The following TECRL variants were observed in gnomAD, a reference collection of about 807,000 sequenced individuals.
TECRL encodes the protein trans-2,3-enoyl-CoA reductase-like.
TECRL carries 63 observed loss-of-function variants against 52.8 expected under a neutral mutation model. The ratio of observed to expected loss-of-function variants is 1.19; its 90% CI spans 0.97 to 1.47. The LOEUF is 1.47. Ranked by LOEUF, TECRL falls within the 40% of genes most tolerant of loss-of-function variation. The probability of loss-of-function intolerance (pLI) is 0.00; values close to 1 mark genes in which losing one functional copy is unlikely to be tolerated. For missense variants in TECRL, 482 were observed against 429.6 expected, an observed-to-expected ratio of 1.12 and a Z score of -1.08; for synonymous variants, 164 against 141.9, an observed-to-expected ratio of 1.16 and a Z score of -1.10.
At chr4:64,305,097 T>C (rs559252408) in intron 7 of TECRL, 69 bp downstream of exon 7, 26 of 1,073,994 alleles carry the variant, frequency 2.4e-5, no homozygotes, top group Non-Finnish European at 3.4e-5. Context: ...CCTTTATGTA[T>C]GTCATTTAGA....
chr4:64,313,420 T>A (rs1717203216), intron 5 of TECRL, among the ~76,000 whole-genome samples: 1 of 151,800 alleles, frequency 6.6e-6, no homozygotes, highest in South Asian at 2.1e-4. Flanking sequence ...AAAGATTATT[T>A]TCACAATATG....
chr4:64,312,621 G>T (rs1208625029), intron 5 of TECRL, among the ~76,000 whole-genome samples: 1 of 151,926 alleles, frequency 6.6e-6, no homozygotes, highest in Non-Finnish European at 1.5e-5. Flanking sequence ...AGCATTAGCT[G>T]GTTGTGATGG....
Position 64,322,769 on chromosome 4 carries a change from T to C in TECRL, c.355A>G (p.Ile119Val), listed in dbSNP as rs749746855. The part of the protein sequence containing the change: ...ECGGPFLKDY[I>V]TIQSIAASSI... ...GAAGCTGCAATACTTTGAATGGTAA[T>C]GTAGTCCTTCAAAAAAGGCCCGCCT... The change falls in exon 4 of 12, where the codon ATT becomes GTT. Residue 119 changes from isoleucine to valine, a missense_variant. Physicochemically the swap from Ile to Val is conservative, Grantham distance 29. Coordinates refer to ENST00000381210, the MANE Select transcript of TECRL (RefSeq NM_001010874.5). 8 of 1,606,954 alleles carry C rather than the reference T, an allele frequency of 5.0e-6. No individual in the cohort carries two copies. The highest frequency in any genetic ancestry group is 1.3e-5 in the African/African-American group (1 of 74,762).
chr4:64,367,441 T>A (rs897258808), intron 2 of TECRL, among the ~76,000 whole-genome samples: 1 of 152,120 alleles, frequency 6.6e-6, no homozygotes, highest in East Asian at 1.9e-4. Context: ...ATGCAATCAT[T>A]AATACATTCC....
chr4:64,301,539 T>C (rs1051700123), intron 7 of TECRL, among the ~76,000 whole-genome samples: 1 of 151,186 alleles, frequency 6.6e-6, no homozygotes, highest in Non-Finnish European at 1.5e-5. Context: ...ATTGAACTTA[T>C]AGTCTGACCC....
intron 8 of TECRL, among the ~76,000 whole-genome samples, chr4:64,290,639 CA>C (rs1723328436): frequency 6.6e-6 from 1 of 151,972 alleles, no homozygotes; most frequent in Non-Finnish European, 1.5e-5. Context: ...ATGCATTTTT[CA>C]TATATAATAA....
intron 1 of TECRL, among the ~76,000 whole-genome samples, chr4:64,394,570 A>G (rs964985430): frequency 6.6e-6 from 1 of 152,188 alleles, no homozygotes; most frequent in African/African-American, 2.4e-5. Context: ...ACAAATGAAA[A>G]TACTGTGACC....
At chr4:64,408,103 T>C (rs1349785603) in intron 1 of TECRL, among the ~76,000 whole-genome samples, 4 of 151,736 alleles carry the variant, frequency 2.6e-5, no homozygotes, top group Non-Finnish European at 5.9e-5. Context: ...AAAGTTAATA[T>C]AACTCAATTT....
intron 1 of TECRL, among the ~76,000 whole-genome samples, chr4:64,388,137 T>G (rs952248969): frequency 6.6e-6 from 1 of 151,670 alleles, no homozygotes; most frequent in African/African-American, 2.4e-5. Context: ...GTTTATAGTT[T>G]TAGTGTAGTT....
rs113893042 is a variant in TECRL, at chr4:64,341,159, A to G, written c.287-12603T>C. ...TGGTGGCAGAAAGGAGCTTCTCCCT[A>G]TAGGTTTTCTCTGAGCTGTTCTATT... On this transcript the variant is annotated intron_variant, in intron 2 of 11. Coordinates refer to ENST00000381210, the MANE Select transcript of TECRL (RefSeq NM_001010874.5). 8.8e-3 allele frequency among the ~76,000 whole-genome samples: 1,346 copies of G among 152,188 alleles called. 16 individuals are homozygous for G. The highest frequency in any genetic ancestry group is 0.031 in the African/African-American group (1,281 of 41,514).
chr4:64,293,527 C>T (rs531637912), intron 8 of TECRL, among the ~76,000 whole-genome samples: 2 of 152,232 alleles, frequency 1.3e-5, no homozygotes, highest in East Asian at 3.9e-4. Flanking sequence ...TAAAGTTGCT[C>T]ATCTTTTACT....
chr4:64,314,804 A>C, intron 4 of TECRL, 41 bp from the exon 5 acceptor site: 1 of 1,419,676 alleles, frequency 7.0e-7, no homozygotes, highest in Non-Finnish European at 1.0e-6. Flanking sequence ...ATAAAAATAG[A>C]TGTTTTTAAG....
intron 1 of TECRL, among the ~76,000 whole-genome samples, chr4:64,407,979 T>C (rs1724838691): frequency 6.6e-6 from 1 of 151,698 alleles, no homozygotes; most frequent in Non-Finnish European, 1.5e-5. Context: ...AGTAGAACTA[T>C]AGAAAAAGCA....
At chr4:64,317,356 T>C (rs1273300547) in intron 4 of TECRL, among the ~76,000 whole-genome samples, 1 of 152,084 alleles carries the variant, frequency 6.6e-6, no homozygotes. Context: ...TGTGAATTGG[T>C]GAGAGCCCAT....
intron 1 of TECRL, among the ~76,000 whole-genome samples, chr4:64,395,716 C>T (rs907611667): frequency 5.9e-5 from 9 of 151,882 alleles, no homozygotes; most frequent in East Asian, 1.9e-4. Context: ...AGGTTTGTTA[C>T]GGGGGTAAAC....
At chr4:64,378,255 G>C (rs892292458) in intron 1 of TECRL, among the ~76,000 whole-genome samples, 3 of 151,934 alleles carry the variant, frequency 2.0e-5, no homozygotes, top group African/African-American at 7.2e-5. Context: ...GAAAAAAATA[G>C]GTCTGAGAAT....
intron 2 of TECRL, among the ~76,000 whole-genome samples, chr4:64,361,393 G>T (rs1235405644): frequency 2.0e-5 from 3 of 152,102 alleles, no homozygotes; most frequent in African/African-American, 7.2e-5. Context: ...TGGACCGTCT[G>T]CCGCCACCTA....
chr4:64,365,444 C>A (rs1477796578), intron 2 of TECRL, among the ~76,000 whole-genome samples: 1 of 152,048 alleles, frequency 6.6e-6, no homozygotes, highest in Non-Finnish European at 1.5e-5. Flanking sequence ...GTCAAACTAT[C>A]TCTCTTCATA....
chr4:64,384,738 A>G (rs571865464), intron 1 of TECRL, among the ~76,000 whole-genome samples: 1 of 151,966 alleles, frequency 6.6e-6, no homozygotes, highest in South Asian at 2.1e-4. Flanking sequence ...TTATCTCCAT[A>G]CCCCTGGACA....
Sources: allele counts gnomAD v4.1 joint callset (sites outside exome capture counted in the v4.1 genomes callset), GRCh38; gene constraint gnomAD v4.1.1; transcripts MANE v1.5; gene names NCBI Gene and HGNC (gene_info 2026-07-23, HGNC 2026-07-21).